Variants in PPP1R21 observed in about 807,000 individuals in gnomAD.
PPP1R21 encodes protein phosphatase 1 regulatory subunit 21.
Under a neutral mutation model 112.8 loss-of-function variants are expected in PPP1R21, and 85 were observed. The observed-to-expected ratio is 0.75, with a 90% CI of 0.63 to 0.90. PPP1R21 has a LOEUF of 0.90. Among genes scored for constraint, PPP1R21 ranks in the 40% least tolerant of loss-of-function variants. The pLI is 0.00. For synonymous variants in PPP1R21, 381 were observed against 322.3 expected (o/e 1.18, Z -1.95); for missense variants, 1,199 against 901.5 (o/e 1.33, Z -4.23).
At position 48,459,742 on chromosome 2, in the gene PPP1R21, T is replaced by G; in HGVS notation, c.376-12T>G. On this transcript the variant is annotated splice_polypyrimidine_tract_variant and intron_variant, in intron 4 of 21. Transcript: ENST00000294952. Reference sequence around the variant, plus strand: ...GATATTGTGAGAAGAGAAAATGGTCTTCTCTTTTTAGTTTTTTGAAGCTGA... The same window carrying G: ...GATATTGTGAGAAGAGAAAATGGTCGTCTCTTTTTAGTTTTTTGAAGCTGA... 1 of 1,607,034 alleles carries G rather than the reference T, an allele frequency of 6.2e-7. No individual in the cohort carries two copies. The highest frequency in any genetic ancestry group is 8.5e-7 in the Non-Finnish European group (1 of 1,177,758).
Position 48,459,923 on chromosome 2 carries a change from G to A in PPP1R21, c.540+5G>A. On this transcript the variant is annotated splice_donor_5th_base_variant and intron_variant, in intron 5 of 21. Coordinates refer to ENST00000294952, the MANE Select transcript of PPP1R21 (RefSeq NM_001135629.3). ...AACGACAAGGCTAAACTAGAAGTAAGCCCCATTGTGAGAGCACACTAAAAA... is the reference window on the plus strand; with the variant it reads ...AACGACAAGGCTAAACTAGAAGTAAACCCCATTGTGAGAGCACACTAAAAA... The A allele has an allele frequency of 1.2e-6, 2 of 1,611,802 alleles. No homozygotes were observed. The highest frequency in any genetic ancestry group is 1.1e-5 in the South Asian group (1 of 90,852).
chr2:48,512,234 A>G (rs1383628399), intron 21 of PPP1R21, among the ~76,000 whole-genome samples: 1 of 152,146 alleles, frequency 6.6e-6, no homozygotes, highest in Non-Finnish European at 1.5e-5. Flanking sequence ...CCAGACTGAG[A>G]TAGTAGATGT....
intron 17 of PPP1R21, among the ~76,000 whole-genome samples, chr2:48,503,299 T>G (rs1000075352): frequency 6.6e-6 from 1 of 152,206 alleles, no homozygotes; most frequent in Non-Finnish European, 1.5e-5. Context: ...TACATAAAAT[T>G]TCAAATCTTT....
intron 17 of PPP1R21, among the ~76,000 whole-genome samples, chr2:48,503,820 G>C (rs1266674610): frequency 6.6e-6 from 1 of 151,902 alleles, no homozygotes; most frequent in Admixed American, 6.6e-5. Flanking sequence ...GGGCGTGGTG[G>C]TGGGCACCTG....
chr2:48,469,306 T>C (rs1231228753), intron 9 of PPP1R21, among the ~76,000 whole-genome samples: 1 of 130,394 alleles, frequency 7.7e-6, no homozygotes, highest in African/African-American at 3.2e-5. Context: ...TATGTATATA[T>C]ATACACACAC....
rs555085465 is a variant in PPP1R21, at chr2:48,511,581, G to A, written c.2313+113G>A. 1.2e-3 allele frequency: 1,541 copies of A among 1,323,860 alleles called. 2 individuals carry two copies. Among genetic ancestry groups the A allele is most frequent in the Non-Finnish European group, 1.2e-3 (1,202 of 963,282 alleles). The allele number at this position is 1,323,860 out of a possible 1,614,324, so 82.0% of individuals were successfully genotyped here. A position where few individuals can be genotyped will look rare whatever the true frequency, so the allele number is the denominator to read the frequency against. On this transcript the variant is annotated intron_variant, in intron 21 of 21. Coordinates refer to ENST00000294952, the MANE Select transcript of PPP1R21 (RefSeq NM_001135629.3). ...CATAAGATTTAAAGTGTTTGTAAGG[G>A]CCAGGGGCAGTGGCTTAAGCCTGTA... is the stretch of plus-strand genomic sequence containing the variant.
At chr2:48,484,014 A>G (rs923821041) in intron 13 of PPP1R21, among the ~76,000 whole-genome samples, 1 of 152,110 alleles carries the variant, frequency 6.6e-6, no homozygotes, top group Non-Finnish European at 1.5e-5. Flanking sequence ...ATATAGGAAT[A>G]CCTATTCACT....
Position 48,498,701 on chromosome 2 carries a change from A to C in PPP1R21, c.1901A>C (p.Lys634Thr), listed in dbSNP as rs1285970216. The C allele has an allele frequency of 6.2e-7, 1 of 1,614,060 alleles. No individual in the cohort carries two copies. Among genetic ancestry groups the C allele is most frequent in the Non-Finnish European group, 8.5e-7 (1 of 1,179,984 alleles). The change falls in exon 17 of 22, where the codon AAG (lysine) becomes ACG (threonine). Residue 634 changes from lysine to threonine, a missense_variant. Coordinates refer to ENST00000294952, the MANE Select transcript of PPP1R21 (RefSeq NM_001135629.3). ...GCTGGCCAGGATGAAGCCACAGCTA[A>C]GGCTGTGTTGGAGCCCATTCAGAGC... Reference protein sequence around the residue: ...NTAGQDEATAKAVLEPIQSTS... With the variant: ...NTAGQDEATATAVLEPIQSTS...
In PPP1R21 at chr2:48,494,411, T is replaced by TTTTA. The variant is rs150607938; in HGVS notation, c.1600-1240_1600-1237dup. Among the ~76,000 whole-genome samples, 653 of 146,892 alleles carry TTTTA rather than the reference T, an allele frequency of 4.4e-3. 3 individuals carry two copies. Among genetic ancestry groups the TTTTA allele is most frequent in the Non-Finnish European group, 8.1e-3 (545 of 67,066 alleles). ...GTCATCTAACATAAAGCCTATTTTA[T>TTTTA]TTTATTTATTTATTTATTTATTTAT... On this transcript the variant is annotated intron_variant, in intron 15 of 21. Coordinates refer to ENST00000294952, the MANE Select transcript of PPP1R21 (RefSeq NM_001135629.3).
intron 16 of PPP1R21, among the ~76,000 whole-genome samples, chr2:48,497,712 C>T (rs1422023728): frequency 1.4e-5 from 2 of 145,698 alleles, no homozygotes; most frequent in African/African-American, 2.6e-5. Flanking sequence ...AGTGCAGTGG[C>T]GCTATCTCGG....
chr2:48,456,661 C>T (rs1667737439), intron 3 of PPP1R21, among the ~76,000 whole-genome samples: 2 of 152,200 alleles, frequency 1.3e-5, no homozygotes, highest in African/African-American at 4.8e-5. Flanking sequence ...CATTTCCCCA[C>T]ATAGAAGCAT....
intron 13 of PPP1R21, among the ~76,000 whole-genome samples, chr2:48,482,781 C>T (rs1669083260): frequency 6.6e-6 from 1 of 151,348 alleles, no homozygotes; most frequent in Non-Finnish European, 1.5e-5. Flanking sequence ...TTTTTTTTCC[C>T]CTCAACTTTT....
chr2:48,447,294 A>G (rs1028002029), intron 1 of PPP1R21, among the ~76,000 whole-genome samples: 6 of 152,218 alleles, frequency 3.9e-5, no homozygotes, highest in Non-Finnish European at 8.8e-5. Context: ...GCCAAAGTGA[A>G]GAAGGGCTGT....
intron 2 of PPP1R21, among the ~76,000 whole-genome samples, chr2:48,453,030 T>A (rs1355771967): frequency 6.6e-6 from 1 of 151,584 alleles, no homozygotes; most frequent in African/African-American, 2.4e-5. Flanking sequence ...CTCGGCTTAC[T>A]GCAACCTCTG....
chr2:48,510,398 A>C (rs374631366), intron 20 of PPP1R21, among the ~76,000 whole-genome samples: 41 of 152,290 alleles, frequency 2.7e-4, no homozygotes, highest in African/African-American at 9.1e-4. Flanking sequence ...GTACATACCC[A>C]TCATGGTGAG....
intron 21 of PPP1R21, among the ~76,000 whole-genome samples, chr2:48,513,439 G>T (rs1377300981): frequency 6.6e-6 from 1 of 151,384 alleles, no homozygotes; most frequent in Non-Finnish European, 1.5e-5. Context: ...CAAACTCCCA[G>T]GCCCAAGTGA....
intron 2 of PPP1R21, among the ~76,000 whole-genome samples, chr2:48,453,241 A>G (rs943279695): frequency 6.6e-6 from 1 of 152,262 alleles, no homozygotes; most frequent in African/African-American, 2.4e-5. Context: ...GGCGTGAGCC[A>G]CTGCACCTGG....
chr2:48,454,381 G>C (rs917401176), intron 2 of PPP1R21, among the ~76,000 whole-genome samples: 1 of 152,170 alleles, frequency 6.6e-6, no homozygotes, highest in Non-Finnish European at 1.5e-5. Flanking sequence ...CTTTAGTATA[G>C]TTGCTCTTAT....
In PPP1R21 at chr2:48,498,631, C is replaced by T; in HGVS notation, c.1831C>T (p.Gln611Ter). Residue 611 changes from glutamine to a stop codon, truncating the protein, a stop_gained, in exon 17 of 22, where the codon CAG (glutamine) becomes TAG (stop). Coordinates refer to ENST00000294952, the MANE Select transcript of PPP1R21 (RefSeq NM_001135629.3). LOFTEE classifies it high-confidence loss of function. ...ADKLKNTGSA[Q>*]LVGLAQENAA... Reference sequence around the variant, plus strand: ...TAAGCTGAAGAATACAGGTAGTGCCCAGCTGGTTGGGCTGGCCCAGGAAAA... The same window carrying T: ...TAAGCTGAAGAATACAGGTAGTGCCTAGCTGGTTGGGCTGGCCCAGGAAAA... 4 of 1,614,202 alleles carry T rather than the reference C, an allele frequency of 2.5e-6. No homozygotes were observed. Among genetic ancestry groups the T allele is most frequent in the Non-Finnish European group, 3.4e-6 (4 of 1,180,042 alleles).
Sources: gnomAD v4.1 joint callset for allele counts (sites outside exome capture counted in the v4.1 genomes callset) on GRCh38, gnomAD v4.1.1 for gene constraint, MANE v1.5 for transcripts, NCBI Gene and HGNC (gene_info 2026-07-23, HGNC 2026-07-21) for gene names.